FOXP1: variants seen among roughly 807,000 people sequenced by gnomAD.
FOXP1 encodes the protein forkhead box protein P1.
A neutral mutation model predicts 98.2 loss-of-function variants in FOXP1; 15 were observed. That is an observed-to-expected ratio of 0.15 (90% confidence interval 0.10 to 0.24). The LOEUF is 0.24. Ranked by LOEUF, FOXP1 falls within the 10% of genes least tolerant of loss-of-function variation. The probability of loss-of-function intolerance (pLI) is 1.00; values close to 1 mark genes in which losing one functional copy is unlikely to be tolerated. For synonymous variants in FOXP1, 371 were observed against 314.5 expected (o/e 1.18, Z -1.90); for missense variants, 633 against 848.5 (o/e 0.75, Z 3.15).
chr3:71,493,647 T>C (rs1174322494), intron 2 of FOXP1, 92 bp from the exon 3 acceptor site: 1 of 152,212 alleles, frequency 6.6e-6, no homozygotes, highest in African/African-American at 2.4e-5. Flanking sequence ...ACATAGATTC[T>C]TGAGGTAGGG....
intron 3 of FOXP1, among the ~76,000 whole-genome samples, chr3:71,447,470 G>A (rs528632535): frequency 6.6e-6 from 1 of 152,336 alleles, no homozygotes; most frequent in South Asian, 2.1e-4. Context: ...CTGGAAGGAA[G>A]TAGGTCAGTG....
At chr3:71,443,487 C>T (rs764364439) in intron 3 of FOXP1, among the ~76,000 whole-genome samples, 4 of 152,220 alleles carry the variant, frequency 2.6e-5, no homozygotes, top group Non-Finnish European at 5.9e-5. Flanking sequence ...GTCTAACAAG[C>T]CCTCCAGGTG....
chr3:71,578,023 G>C (rs2047864363), intron 2 of FOXP1, among the ~76,000 whole-genome samples: 1 of 151,796 alleles, frequency 6.6e-6, no homozygotes, highest in African/African-American at 2.4e-5. Flanking sequence ...ATCTATAAAA[G>C]AAGTGTGACA....
At chr3:71,298,840 C>G (rs1175859381) in intron 5 of FOXP1, among the ~76,000 whole-genome samples, 1 of 152,152 alleles carries the variant, frequency 6.6e-6, no homozygotes, top group East Asian at 1.9e-4. Context: ...CCACAAAAAA[C>G]TCTGTTCAAC....
At chr3:71,102,397 T>G (rs1160919262) in intron 7 of FOXP1, among the ~76,000 whole-genome samples, 1 of 152,214 alleles carries the variant, frequency 6.6e-6, no homozygotes, top group Non-Finnish European at 1.5e-5. Flanking sequence ...AATAGTTTGC[T>G]CATGATATCA....
At chr3:71,414,924 T>C (rs1251649860) in intron 3 of FOXP1, among the ~76,000 whole-genome samples, 1 of 152,260 alleles carries the variant, frequency 6.6e-6, no homozygotes, top group Non-Finnish European at 1.5e-5. Flanking sequence ...AATAATCCAT[T>C]ACCATGTTCC....
At chr3:71,449,695 C>A (rs1006480886) in intron 3 of FOXP1, among the ~76,000 whole-genome samples, 3 of 152,100 alleles carry the variant, frequency 2.0e-5, no homozygotes, top group Non-Finnish European at 4.4e-5. Context: ...CCATGTAAAC[C>A]CTATGGAAGA....
At chr3:71,510,493 G>A (rs552545869) in intron 2 of FOXP1, among the ~76,000 whole-genome samples, 1 of 152,138 alleles carries the variant, frequency 6.6e-6, no homozygotes, top group African/African-American at 2.4e-5. Flanking sequence ...AAAAAAATCA[G>A]TTGATCTTGG....
chr3:71,189,485 TCTTTTTAAAAAATGA>T (rs1228920714), intron 6 of FOXP1, among the ~76,000 whole-genome samples: 1 of 152,238 alleles, frequency 6.6e-6, no homozygotes, highest in African/African-American at 2.4e-5. Context: ...TCTGTAGAAG[TCTTTTTAAAAAATGA>T]CTTTTTCAAA....
intron 5 of FOXP1, among the ~76,000 whole-genome samples, chr3:71,280,972 T>C (rs1293952491): frequency 1.3e-5 from 2 of 149,494 alleles, no homozygotes; most frequent in African/African-American, 5.0e-5. Context: ...GAAGCAGCCC[T>C]TTCTAATTCC....
intron 5 of FOXP1, among the ~76,000 whole-genome samples, chr3:71,222,333 T>G (rs899411554): frequency 2.6e-5 from 4 of 152,196 alleles, no homozygotes; most frequent in Non-Finnish European, 5.9e-5. Flanking sequence ...GAGGCCACTT[T>G]GAAAATTCTT....
chr3:71,108,128 G>A (rs1429807342), intron 7 of FOXP1, among the ~76,000 whole-genome samples: 1 of 152,178 alleles, frequency 6.6e-6, no homozygotes, highest in Non-Finnish European at 1.5e-5. Context: ...TGAAGCTGGT[G>A]AGCTTTCCAC....
intron 6 of FOXP1, among the ~76,000 whole-genome samples, chr3:71,134,077 T>C (rs956604146): frequency 6.6e-6 from 1 of 150,708 alleles, no homozygotes; most frequent in Admixed American, 6.5e-5. Flanking sequence ...CATTTCTTGA[T>C]TGCAGCTGAA....
intron 10 of FOXP1, among the ~76,000 whole-genome samples, chr3:71,042,002 TC>T (rs1181088095): frequency 6.6e-6 from 1 of 152,220 alleles, no homozygotes; most frequent in African/African-American, 2.4e-5. Context: ...TTTTTATTAA[TC>T]ACTTTTAGAC....
chr3:71,000,763 T>C (rs2042014848), intron 13 of FOXP1, among the ~76,000 whole-genome samples: 1 of 146,816 alleles, frequency 6.8e-6, no homozygotes, highest in Non-Finnish European at 1.5e-5. Context: ...TTCCAAAGAG[T>C]GAACTGGGGC....
At chr3:71,451,240 G>A (rs966262837) in intron 3 of FOXP1, among the ~76,000 whole-genome samples, 1 of 152,194 alleles carries the variant, frequency 6.6e-6, no homozygotes, top group Non-Finnish European at 1.5e-5. Flanking sequence ...TTACTGGCCG[G>A]CCAGAAAGAC....
At chr3:71,335,298 A>G (rs1463672402) in intron 4 of FOXP1, 1 of 151,852 alleles carries the variant, frequency 6.6e-6, no homozygotes, top group Admixed American at 6.6e-5. Flanking sequence ...AAAAAAAAAC[A>G]TAATAATGGA....
At chr3:71,579,135 A>C (rs76929866) in intron 2 of FOXP1, among the ~76,000 whole-genome samples, 33,127 of 152,072 alleles carry the variant, frequency 0.22, 4,714 homozygotes, top group Non-Finnish European at 0.32. Flanking sequence ...CTTAAATGAC[A>C]ATTATTTTTA....
intron 6 of FOXP1, among the ~76,000 whole-genome samples, chr3:71,139,321 A>ACTC (rs1448388324): frequency 6.6e-6 from 1 of 152,110 alleles, no homozygotes; most frequent in Non-Finnish European, 1.5e-5. Context: ...TCTAAATCAA[A>ACTC]CTCAGTGAAT....
Sources: allele counts gnomAD v4.1 joint callset (sites outside exome capture counted in the v4.1 genomes callset), GRCh38; gene constraint gnomAD v4.1.1; transcripts MANE v1.5; gene names NCBI Gene and HGNC (gene_info 2026-07-23, HGNC 2026-07-21).